Variants in DPY19L4 observed in about 807,000 individuals in gnomAD.
DPY19L4 encodes the protein dpy-19 like 4.
Under a neutral mutation model 102.8 loss-of-function variants are expected in DPY19L4, and 97 were observed. The ratio of observed to expected loss-of-function variants is 0.94; its 90% confidence interval spans 0.80 to 1.12. The LOEUF (loss-of-function observed/expected upper bound fraction) is 1.12. Ranked by LOEUF, DPY19L4 falls within the 50% of genes most tolerant of loss-of-function variation. The pLI, the probability that DPY19L4 is intolerant of heterozygous loss-of-function variation, is 0.00. For missense variants in DPY19L4, 815 were observed against 850.4 expected, an observed-to-expected ratio of 0.96 and a Z score of 0.52; for synonymous variants, 252 against 283.1, an observed-to-expected ratio of 0.89 and a Z score of 1.10.
intron 6 of DPY19L4, among the ~76,000 whole-genome samples, chr8:94,747,923 G>C (rs7818257): frequency 0.18 from 27,480 of 152,140 alleles, 3,252 homozygotes; most frequent in African/African-American, 0.34. Flanking sequence ...AGAAGTTGCA[G>C]AACCCTGTGA....
At chr8:94,780,952 C>T (rs536006338) in intron 15 of DPY19L4, 132 bp from the exon 16 acceptor site, 17 of 622,420 alleles carry the variant, frequency 2.7e-5, no homozygotes, top group South Asian at 7.3e-5. Flanking sequence ...TTTTTCCATG[C>T]GAACGGTGTT....
chr8:94,730,256 G>T (rs945378032), intron 2 of DPY19L4, among the ~76,000 whole-genome samples: 1 of 152,142 alleles, frequency 6.6e-6, no homozygotes, highest in Non-Finnish European at 1.5e-5. Flanking sequence ...GCACATAGAA[G>T]TTATCTGATT....
chr8:94,720,047 T>C, intron 1 of DPY19L4, 33 bp downstream of exon 1: 1 of 1,524,136 alleles, frequency 6.6e-7, no homozygotes, highest in Non-Finnish European at 8.8e-7. Flanking sequence ...CGCCAACGGC[T>C]GCCAGTGGTC....
At chr8:94,745,193 A>G (rs1811616548) in intron 6 of DPY19L4, 1 of 152,838 alleles carries the variant, frequency 6.5e-6, no homozygotes, top group Admixed American at 6.5e-5. Context: ...GTGTAGGTAT[A>G]CTAGAAAATT....
intron 6 of DPY19L4, among the ~76,000 whole-genome samples, chr8:94,742,729 T>C (rs989445415): frequency 6.6e-6 from 1 of 151,728 alleles, no homozygotes; most frequent in Non-Finnish European, 1.5e-5. Context: ...CAGCTAATTT[T>C]TTTGTATTTT....
chr8:94,786,603 A>G (rs1393997631), intron 17 of DPY19L4, among the ~76,000 whole-genome samples: 1 of 152,110 alleles, frequency 6.6e-6, no homozygotes, highest in Non-Finnish European at 1.5e-5. Context: ...GCTGGAGTGC[A>G]GTGGCATGAT....
chr8:94,750,377 G>A (rs981070387), intron 6 of DPY19L4, among the ~76,000 whole-genome samples: 1 of 152,198 alleles, frequency 6.6e-6, no homozygotes, highest in African/African-American at 2.4e-5. Flanking sequence ...TTATTGACGT[G>A]TATCTTGGAA....
intron 7 of DPY19L4, among the ~76,000 whole-genome samples, chr8:94,756,801 AC>A (rs10711030): frequency 0.12 from 18,395 of 152,036 alleles, 3,344 homozygotes; most frequent in African/African-American, 0.4. Context: ...AGAGGGGCGG[AC>A]CCACCTGAGG....
rs200093964 is a variant in DPY19L4 at position 94,788,083 on chromosome 8, G to GTA, written c.2007+43_2007+44dup. ...TAACCATTTGGAAAGTTATATATAT[G>GTA]TATATATATATATTTTTTTTTTAGA... On this transcript the variant is annotated intron_variant, in intron 18 of 18. Transcript: ENST00000414645. 1.1e-3 allele frequency: 1,087 copies of GTA among 1,010,738 alleles called. 10 individuals carry two copies. In the African/African-American group the frequency reaches 0.018, roughly 16 times the overall value. 62.6% of individuals were successfully genotyped at this position (1,010,738 alleles called of 1,614,324 possible).
chr8:94,776,114 G>A (rs372567895), intron 13 of DPY19L4, among the ~76,000 whole-genome samples: 1 of 138,262 alleles, frequency 7.2e-6, no homozygotes. Flanking sequence ...CTCACTGCAA[G>A]CTCTGCCTCC....
intron 1 of DPY19L4, 29 bp from the exon 2 acceptor site, chr8:94,726,302 C>T (rs781006393): frequency 6.4e-7 from 1 of 1,557,502 alleles, no homozygotes; most frequent in Admixed American, 2.0e-5. Context: ...TTTATACACA[C>T]ATTGCAATAA....
Position 94,726,212 on chromosome 8 carries a change from T to G in DPY19L4, c.17-119T>G, listed in dbSNP as rs555224417. ...CCAAAATAATTATGAAAAGGTTATC[T>G]TTGATACTAATAGGTCTTAGTGGTA... is the stretch of plus-strand genomic sequence containing the variant. On this transcript the variant is annotated intron_variant, in intron 1 of 18. Coordinates refer to ENST00000414645, the MANE Select transcript of DPY19L4 (RefSeq NM_181787.3). 7.1e-5 allele frequency: 46 copies of G among 645,404 alleles called. No individual in the cohort carries two copies. The East Asian group carries it at 1.2e-3, about 17-fold the overall frequency. The allele number at this position is 645,404 out of a possible 1,614,324, so 40.0% of individuals were successfully genotyped here.
At position 94,793,553 on chromosome 8, in the gene DPY19L4, A is replaced by C. The variant is rs552117449; in HGVS notation, c.*3643A>C. 6 of 152,256 alleles carry C rather than the reference A, an allele frequency of 3.9e-5. No individual in the cohort carries two copies. Among genetic ancestry groups the C allele is most frequent in the African/African-American group, 1.2e-4 (5 of 41,560 alleles). The allele number at this position is 152,256 out of a possible 1,614,324, so 9.4% of individuals were successfully genotyped here. A position where few individuals can be genotyped will look rare whatever the true frequency, so the allele number is the denominator to read the frequency against. ...TTACATCTCAATATATTCTTCTTTC[A>C]TTTGCCCAATTTAAAAAATACGTAG... On this transcript the variant is annotated 3_prime_UTR_variant, in exon 19 of 19. Transcript: ENST00000414645.
chr8:94,734,781 G>T, intron 3 of DPY19L4, 27 bp downstream of exon 3: 8 of 1,612,414 alleles, frequency 5.0e-6, no homozygotes, highest in Non-Finnish European at 6.8e-6. Context: ...TTGAGCATAT[G>T]AAAGTTATTT....
intron 6 of DPY19L4, among the ~76,000 whole-genome samples, chr8:94,745,835 A>C (rs1586345468): frequency 6.6e-6 from 1 of 151,930 alleles, no homozygotes; most frequent in African/African-American, 2.4e-5. Context: ...ACTTACCGCA[A>C]CCTCTGCCTC....
intron 2 of DPY19L4, 115 bp from the exon 3 acceptor site, chr8:94,734,513 ATT>A (rs1287316026): frequency 1.9e-6 from 2 of 1,027,224 alleles, no homozygotes; most frequent in South Asian, 1.7e-5. Flanking sequence ...TTTTCTCACA[ATT>A]AGACTCGAGT....
At chr8:94,725,505 G>A (rs1810647755) in intron 1 of DPY19L4, among the ~76,000 whole-genome samples, 1 of 152,176 alleles carries the variant, frequency 6.6e-6, no homozygotes, top group Non-Finnish European at 1.5e-5. Flanking sequence ...AGGTATCTTT[G>A]TAGGTTCAGC....
In DPY19L4 at chr8:94,726,396, GAAGAGA is replaced by G. The variant is rs765178039; in HGVS notation, c.85_90del (p.Glu29_Lys30del). On this transcript the variant is annotated inframe_deletion, in exon 2 of 19. Coordinates refer to ENST00000414645, the MANE Select transcript of DPY19L4 (RefSeq NM_181787.3). ...TTCAGAAAATAAGGAATCTGCCAAA[GAAGAGA>G]AAATCAGTGACATTCCAATTCCTGA... The G allele has an allele frequency of 8.1e-6, 13 of 1,612,400 alleles. No individual in the cohort carries two copies. Among genetic ancestry groups the G allele is most frequent in the Non-Finnish European group, 1.1e-5 (13 of 1,179,616 alleles).
Position 94,757,626 on chromosome 8 carries a change from C to T in DPY19L4, c.735+1467C>T, listed in dbSNP as rs1046348117. On this transcript the variant is annotated intron_variant, in intron 7 of 18. Coordinates refer to ENST00000414645, the MANE Select transcript of DPY19L4 (RefSeq NM_181787.3). ...GGTATCACTATGTTGGCCAGTCTGG[C>T]CTCGAACTCCTGAACTCAAATGATC... 2.6e-5 allele frequency among the ~76,000 whole-genome samples: 4 copies of T among 151,660 alleles called. No individual in the cohort carries two copies. The South Asian group carries it at 6.4e-4, about 24-fold the overall frequency.
Sources: gnomAD v4.1 joint callset for allele counts (sites outside exome capture counted in the v4.1 genomes callset) on GRCh38, gnomAD v4.1.1 for gene constraint, MANE v1.5 for transcripts, NCBI Gene and HGNC (gene_info 2026-07-23, HGNC 2026-07-21) for gene names.